PALLD: variants seen among roughly 807,000 people sequenced by gnomAD.
The protein encoded by PALLD is palladin.
Under a neutral mutation model 123.5 loss-of-function variants are expected in PALLD, and 61 were observed. That is an observed-to-expected ratio of 0.49 (90% CI 0.40 to 0.61). PALLD has a LOEUF of 0.61. PALLD is among the 20% of genes least tolerant of loss of function. The pLI is 0.00. For missense variants in PALLD, 1,273 were observed against 1,377.0 expected (o/e 0.92, Z 1.20); for synonymous variants, 465 against 496.4 (o/e 0.94, Z 0.84).
At chr4:168,526,617 A>G (rs989457371) in intron 2 of PALLD, among the ~76,000 whole-genome samples, 1 of 152,190 alleles carries the variant, frequency 6.6e-6, no homozygotes, top group Non-Finnish European at 1.5e-5. Context: ...TTTTCCTTTC[A>G]TCATGCAAAC....
intron 10 of PALLD, among the ~76,000 whole-genome samples, chr4:168,728,636 ATAT>A (rs1316668256): frequency 2.6e-5 from 4 of 152,212 alleles, no homozygotes; most frequent in Admixed American, 2.6e-4. Flanking sequence ...ATATCGAATC[ATAT>A]TATCAGTGAA....
intron 10 of PALLD, among the ~76,000 whole-genome samples, chr4:168,771,449 G>C (rs555116798): frequency 6.6e-6 from 1 of 152,188 alleles, no homozygotes; most frequent in Admixed American, 6.5e-5. Context: ...CCTTGCTCTG[G>C]TGTGGTCCTG....
chr4:168,608,532 G>A (rs1773414434), intron 2 of PALLD, among the ~76,000 whole-genome samples: 1 of 152,186 alleles, frequency 6.6e-6, no homozygotes, highest in African/African-American at 2.4e-5. Flanking sequence ...GAAGCGGCTA[G>A]AAGAGGAATT....
intron 10 of PALLD, among the ~76,000 whole-genome samples, chr4:168,819,334 T>C (rs1044027451): frequency 9.7e-5 from 5 of 51,650 alleles, no homozygotes; most frequent in African/African-American, 3.6e-4. Flanking sequence ...CATTTGTGTG[T>C]GTGTGTGTGT....
Position 168,917,049 on chromosome 4 carries a change from G to GGTTTTTTTTTTTTT in PALLD, c.2850+1022_2850+1023insGTTTTTTTTTTTTT, listed in dbSNP as rs1491537610. Among the ~76,000 whole-genome samples the GGTTTTTTTTTTTTT allele has an allele frequency of 2.4e-5, 3 of 124,876 alleles. 1 individual carries two copies. Among genetic ancestry groups the GGTTTTTTTTTTTTT allele is most frequent in the Admixed American group, 7.9e-5 (1 of 12,702 alleles). The allele number at this position is 124,876 out of a possible 152,430, so 81.9% of individuals were successfully genotyped here. A position where few individuals can be genotyped will look rare whatever the true frequency, so the allele number is the denominator to read the frequency against. ...CAGCAGGGCTTTTTGTTTTTTTGGG[G>GGTTTTTTTTTTTTT]TTTTTTTTTTTTTTTTTGAGACGGA... is the stretch of plus-strand genomic sequence containing the variant. On this transcript the variant is annotated intron_variant, in intron 17 of 21. Coordinates refer to ENST00000505667, the MANE Select transcript of PALLD (RefSeq NM_001166108.2).
intron 10 of PALLD, among the ~76,000 whole-genome samples, chr4:168,813,533 C>T (rs1334905325): frequency 6.6e-6 from 1 of 152,184 alleles, no homozygotes. Flanking sequence ...TCGTGGCTCA[C>T]TGCAGCCTCA....
intron 10 of PALLD, among the ~76,000 whole-genome samples, chr4:168,715,426 A>C (rs890040494): frequency 1.3e-5 from 2 of 152,228 alleles, no homozygotes; most frequent in Non-Finnish European, 2.9e-5. Context: ...TATTTCTGCA[A>C]CTCAGTGGCT....
intron 2 of PALLD, among the ~76,000 whole-genome samples, chr4:168,550,203 A>T (rs2077091710): frequency 6.6e-6 from 1 of 152,218 alleles, no homozygotes; most frequent in Admixed American, 6.5e-5. Context: ...AATAAAAAGG[A>T]GAGAAGAGTT....
At chr4:168,908,497 A>G (rs1582089292) in intron 15 of PALLD, among the ~76,000 whole-genome samples, 4 of 150,890 alleles carry the variant, frequency 2.7e-5, no homozygotes, top group Admixed American at 2.6e-4. Flanking sequence ...AAAGGTGGTG[A>G]AAAAAAAATT....
chr4:168,785,271 C>T (rs963864353), intron 10 of PALLD, among the ~76,000 whole-genome samples: 1 of 151,916 alleles, frequency 6.6e-6, no homozygotes, highest in African/African-American at 2.4e-5. Context: ...TGTGTGAATG[C>T]GGAGTTTAAG....
At chr4:168,566,945 C>T (rs1561254769) in intron 2 of PALLD, among the ~76,000 whole-genome samples, 1 of 152,130 alleles carries the variant, frequency 6.6e-6, no homozygotes, top group Non-Finnish European at 1.5e-5. Flanking sequence ...ATTGTTCTTT[C>T]AAAACTTCCT....
intron 8 of PALLD, among the ~76,000 whole-genome samples, chr4:168,704,532 C>T: frequency 6.6e-6 from 1 of 151,816 alleles, no homozygotes; most frequent in Non-Finnish European, 1.5e-5. Context: ...ATTAGCCGGG[C>T]GGGCGCCTGT....
chr4:168,890,827 C>A, intron 10 of PALLD, 95 bp from the exon 11 acceptor site: 1 of 1,248,868 alleles, frequency 8.0e-7, no homozygotes. Context: ...GAGTGACATG[C>A]TGATACCTTG....
At chr4:168,536,960 T>A (rs1765160880) in intron 2 of PALLD, among the ~76,000 whole-genome samples, 1 of 152,028 alleles carries the variant, frequency 6.6e-6, no homozygotes, top group Non-Finnish European at 1.5e-5. Flanking sequence ...CCCGAGTAGC[T>A]GGGACTATAG....
At chr4:168,919,243 G>A (rs551345446) in intron 17 of PALLD, among the ~76,000 whole-genome samples, 87 of 152,186 alleles carry the variant, frequency 5.7e-4, no homozygotes, top group African/African-American at 1.5e-3. Context: ...GTGAAAAATC[G>A]GCCAGGCACG....
chr4:168,762,390 C>T (rs1438807741), intron 10 of PALLD, among the ~76,000 whole-genome samples: 1 of 152,028 alleles, frequency 6.6e-6, no homozygotes, highest in Admixed American at 6.5e-5. Context: ...GGAGGATTGC[C>T]TGAGCCTGGG....
At chr4:168,635,532 A>C (rs551222365) in intron 2 of PALLD, among the ~76,000 whole-genome samples, 1 of 152,332 alleles carries the variant, frequency 6.6e-6, no homozygotes, top group East Asian at 1.9e-4. Flanking sequence ...GGTTCATCCT[A>C]TTTCAATCCT....
At chr4:168,727,210 A>G (rs1203112790) in intron 10 of PALLD, among the ~76,000 whole-genome samples, 4 of 152,226 alleles carry the variant, frequency 2.6e-5, no homozygotes, top group African/African-American at 9.6e-5. Context: ...TCTTCTTGGT[A>G]TAATGATCTA....
At chr4:168,804,588 G>A (rs1739868698) in intron 10 of PALLD, among the ~76,000 whole-genome samples, 1 of 152,204 alleles carries the variant, frequency 6.6e-6, no homozygotes, top group Non-Finnish European at 1.5e-5. Context: ...CATCGGGGCA[G>A]CAGCCCTAGG....
Sources: gnomAD v4.1 joint callset for allele counts (sites outside exome capture counted in the v4.1 genomes callset) on GRCh38, gnomAD v4.1.1 for gene constraint, MANE v1.5 for transcripts, NCBI Gene and HGNC (gene_info 2026-07-23, HGNC 2026-07-21) for gene names.